Variants in OSBP2 observed in about 807,000 individuals in gnomAD.
The protein encoded by OSBP2 is oxysterol-binding protein 2.
A neutral mutation model predicts 96.0 loss-of-function variants in OSBP2; 66 were observed. The observed-to-expected ratio is 0.69, with a 90% CI of 0.56 to 0.84. OSBP2 has a LOEUF of 0.84. OSBP2 is among the 40% of genes least tolerant of loss of function. The pLI is 0.00. For synonymous variants in OSBP2, 525 were observed against 520.9 expected (o/e 1.01, Z -0.11); for missense variants, 1,038 against 1,222.7 (o/e 0.85, Z 2.25).
chr22:30,838,883 T>C (rs988815659), intron 2 of OSBP2, among the ~76,000 whole-genome samples: 6 of 151,718 alleles, frequency 4.0e-5, no homozygotes, highest in Non-Finnish European at 7.4e-5. Context: ...ATGTGCACAA[T>C]GTGCAGGTTA....
intron 2 of OSBP2, among the ~76,000 whole-genome samples, chr22:30,860,318 G>C (rs372324913): frequency 6.6e-6 from 1 of 152,118 alleles, no homozygotes; most frequent in Non-Finnish European, 1.5e-5. Flanking sequence ...CCCTAGACAA[G>C]AGGAGGCTCT....
rs148578584 is a variant in OSBP2 at position 30,748,397 on chromosome 22, G to A, written c.853+7028G>A. Among the ~76,000 whole-genome samples, 663 of 152,134 alleles carry A rather than the reference G, an allele frequency of 4.4e-3. 4 individuals are homozygous for A. Among genetic ancestry groups the A allele is most frequent in the African/African-American group, 0.015 (622 of 41,492 alleles). Reference sequence around the variant, plus strand: ...AAACTAAAAAACTTCCAAGACCCCCGAACCATTTAAATTGTTTATTGTTCA... The same window carrying A: ...AAACTAAAAAACTTCCAAGACCCCCAAACCATTTAAATTGTTTATTGTTCA... On this transcript the variant is annotated intron_variant, in intron 2 of 13. Coordinates refer to ENST00000332585, the MANE Select transcript of OSBP2 (RefSeq NM_030758.4).
intron 1 of OSBP2, among the ~76,000 whole-genome samples, chr22:30,710,988 G>T (rs1282820702): frequency 6.6e-6 from 1 of 152,094 alleles, no homozygotes; most frequent in Admixed American, 6.6e-5. Flanking sequence ...CAGGCGATCC[G>T]CCTGCCTCGG....
chr22:30,777,749 A>C (rs908201877), intron 2 of OSBP2, among the ~76,000 whole-genome samples: 1 of 152,154 alleles, frequency 6.6e-6, no homozygotes, highest in Non-Finnish European at 1.5e-5. Flanking sequence ...AGGAGCAGTC[A>C]GGGAGAGTGA....
chr22:30,782,700 G>A (rs898537280), intron 2 of OSBP2, among the ~76,000 whole-genome samples: 1 of 152,160 alleles, frequency 6.6e-6, no homozygotes, highest in East Asian at 1.9e-4. Context: ...TTCCAGGTTC[G>A]GCCATAACAG....
chr22:30,804,414 C>G (rs768958232), intron 2 of OSBP2, among the ~76,000 whole-genome samples: 5 of 152,190 alleles, frequency 3.3e-5, no homozygotes, highest in Non-Finnish European at 2.9e-5. Context: ...AGAAATGACT[C>G]TGGTGGGCAG....
chr22:30,867,449 G>A lies in OSBP2; in HGVS notation c.854-2980G>A, dbSNP rs1191372964. On this transcript the variant is annotated intron_variant, in intron 2 of 13. Coordinates refer to ENST00000332585, the MANE Select transcript of OSBP2 (RefSeq NM_030758.4). ...GAACCCATGGGCCTAGGTGGGCCCC[G>A]AAGCACTTATTCATTCACTCACTCA... Among the ~76,000 whole-genome samples the A allele has an allele frequency of 3.9e-5, 6 of 152,148 alleles. No homozygotes were observed. The South Asian group carries it at 6.2e-4, about 16-fold the overall frequency.
At chr22:30,867,169 G>A (rs1333452419) in intron 2 of OSBP2, among the ~76,000 whole-genome samples, 1 of 152,160 alleles carries the variant, frequency 6.6e-6, no homozygotes, top group Non-Finnish European at 1.5e-5. Context: ...TCCTGCCCAA[G>A]CCCACCCCTT....
At chr22:30,763,384 C>T (rs533371730) in intron 2 of OSBP2, among the ~76,000 whole-genome samples, 11 of 152,230 alleles carry the variant, frequency 7.2e-5, no homozygotes, top group South Asian at 2.1e-4. Context: ...CAGTGGCTTA[C>T]GCCTGTAATC....
rs868033852 is a variant in OSBP2 at position 30,905,720 on chromosome 22, G to C, written c.2376-117G>C. On this transcript the variant is annotated intron_variant, in intron 12 of 13. Transcript: ENST00000332585. ...AAGGCCAGAGGGAGTCCTGGACGCG[G>C]GGAGCTGGAGGGTGAGGCGACCCGG... The C allele has an allele frequency of 2.0e-5, 29 of 1,430,060 alleles. 1 individual carries two copies. Among genetic ancestry groups the C allele is most frequent in the Middle Eastern group, 2.3e-4 (1 of 4,334 alleles). The allele number at this position is 1,430,060 out of a possible 1,614,324, so 88.6% of individuals were successfully genotyped here. A position where few individuals can be genotyped will look rare whatever the true frequency, so the allele number is the denominator to read the frequency against.
chr22:30,892,621 C>T (rs943273651), intron 8 of OSBP2, among the ~76,000 whole-genome samples: 8 of 152,076 alleles, frequency 5.3e-5, no homozygotes, highest in African/African-American at 1.2e-4. Flanking sequence ...GGGCCGGGCC[C>T]GGGGCAGTGC....
At chr22:30,843,444 T>TC (rs35971934) in intron 2 of OSBP2, among the ~76,000 whole-genome samples, 19,331 of 118,374 alleles carry the variant, frequency 0.16, 1,476 homozygotes, top group South Asian at 0.29. Context: ...CAGGAATCTT[T>TC]CCCCCCTCCC....
chr22:30,844,107 TCAAG>T (rs1173078025), intron 2 of OSBP2, among the ~76,000 whole-genome samples: 1 of 152,164 alleles, frequency 6.6e-6, no homozygotes, highest in Non-Finnish European at 1.5e-5. Flanking sequence ...ACTCCTGTGC[TCAAG>T]CAATCTGCTC....
intron 1 of OSBP2, among the ~76,000 whole-genome samples, chr22:30,737,187 T>C (rs1176530368): frequency 1.3e-5 from 2 of 152,130 alleles, no homozygotes; most frequent in African/African-American, 4.8e-5. Context: ...GGCTAATTTT[T>C]CTATTATTAG....
At chr22:30,774,759 T>C (rs1019588402) in intron 2 of OSBP2, among the ~76,000 whole-genome samples, 3 of 152,228 alleles carry the variant, frequency 2.0e-5, no homozygotes, top group African/African-American at 7.2e-5. Flanking sequence ...GGATATTCCA[T>C]GTCAATGAGT....
At chr22:30,797,982 C>T (rs1472119942) in intron 2 of OSBP2, among the ~76,000 whole-genome samples, 4 of 152,158 alleles carry the variant, frequency 2.6e-5, no homozygotes, top group African/African-American at 9.7e-5. Flanking sequence ...AATAATAATC[C>T]TATTTTTAAT....
intron 2 of OSBP2, among the ~76,000 whole-genome samples, chr22:30,869,697 G>A (rs550884415): frequency 1.3e-5 from 2 of 152,268 alleles, no homozygotes; most frequent in East Asian, 3.9e-4. Flanking sequence ...CACTATGCCC[G>A]GCTAATTTTT....
intron 12 of OSBP2, among the ~76,000 whole-genome samples, chr22:30,895,131 C>T (rs765142156): frequency 2.6e-5 from 4 of 152,042 alleles, no homozygotes; most frequent in Non-Finnish European, 5.9e-5. Flanking sequence ...GCTCAAAGGC[C>T]CCCCCGCCAT....
At chr22:30,837,414 C>A (rs2147021971) in intron 2 of OSBP2, among the ~76,000 whole-genome samples, 1 of 152,244 alleles carries the variant, frequency 6.6e-6, no homozygotes, top group South Asian at 2.1e-4. Flanking sequence ...TGCTGGGGTC[C>A]CGCTCGTCCC....
Sources: gnomAD v4.1 joint callset for allele counts (sites outside exome capture counted in the v4.1 genomes callset) on GRCh38, gnomAD v4.1.1 for gene constraint, MANE v1.5 for transcripts, NCBI Gene and HGNC (gene_info 2026-07-23, HGNC 2026-07-21) for gene names.